Variants in IL4I1 observed in about 807,000 individuals in gnomAD.
IL4I1 encodes L-amino-acid oxidase.
IL4I1 carries 24 observed loss-of-function variants against 29.7 expected under a neutral mutation model. The ratio of observed to expected loss-of-function variants is 0.81; its 90% CI spans 0.59 to 1.14. The LOEUF (loss-of-function observed/expected upper bound fraction) is 1.14, where lower values mean the gene tolerates loss of function less well. Ranked by LOEUF, IL4I1 falls within the 50% of genes most tolerant of loss-of-function variation. IL4I1 has a pLI of 0.00. For missense variants in IL4I1, 686 were observed against 785.6 expected, an observed-to-expected ratio of 0.87 and a Z score of 1.52; for synonymous variants, 371 against 352.5, an observed-to-expected ratio of 1.05 and a Z score of -0.59.
Position 49,895,992 on chromosome 19 carries a change from C to T in IL4I1, c.75G>A (p.Lys25=), listed in dbSNP as rs2075203044. 1.2e-6 allele frequency: 2 copies of T among 1,614,080 alleles called. No homozygotes were observed. Among genetic ancestry groups the T allele is most frequent in the African/African-American group, 1.3e-5 (1 of 74,934 alleles). Reference sequence around the variant, plus strand: ...CGAAGGGGTCTTGGCTGCGTTCAGCCTTCCAGTCCTGGGAGGCCACCAGGC... The same window carrying T: ...CGAAGGGGTCTTGGCTGCGTTCAGCTTTCCAGTCCTGGGAGGCCACCAGGC... ...LLSLVASQDW[K]AERSQDPFEK... The change falls in exon 3 of 8, where the codon AAG becomes AAA. Residue 25 remains lysine, a synonymous_variant. Transcript: ENST00000391826.
At chr19:49,906,816 CA>C (rs1171702706) in intron 2 of IL4I1, 8 of 152,244 alleles carry the variant, frequency 5.3e-5, no homozygotes, top group African/African-American at 1.9e-4. Flanking sequence ...TCCATATTAA[CA>C]GCAGCTGTTT....
chr19:49,891,054 T>C lies in IL4I1; in HGVS notation c.690A>G (p.Gly230=). The C allele has an allele frequency of 6.2e-7, 1 of 1,612,940 alleles. No individual in the cohort carries two copies. Among genetic ancestry groups the C allele is most frequent in the Non-Finnish European group, 8.5e-7 (1 of 1,179,814 alleles). ...AGAAGCCATCCTCGGACATCACGTC[T>C]CCCAGAAGCTGCACGGCCGGCCGGC... is the stretch of plus-strand genomic sequence containing the variant. ...NLSRPAVQLL[G]DVMSEDGFFY... is the part of the protein sequence containing the mutation. The change falls in exon 7 of 8, where the codon GGA becomes GGG. Residue 230 remains glycine (G), a synonymous_variant. Transcript: ENST00000391826.
At chr19:49,919,541 A>C (rs959869224) in intron 2 of IL4I1, among the ~76,000 whole-genome samples, 2 of 152,206 alleles carry the variant, frequency 1.3e-5, no homozygotes, top group Admixed American at 1.3e-4. Context: ...GGATGGCCTC[A>C]AGGCAGTAGC....
chr19:49,923,368 A>G (rs966156574), intron 2 of IL4I1, among the ~76,000 whole-genome samples: 1 of 152,166 alleles, frequency 6.6e-6, no homozygotes, highest in African/African-American at 2.4e-5. Context: ...CTCATTAGAA[A>G]ATGTATTGAT....
At chr19:49,897,823 A>T, upstream of IL4I1, among the ~76,000 whole-genome samples, 1 of 144,786 alleles carries the variant, frequency 6.9e-6, no homozygotes, top group African/African-American at 2.7e-5. Context: ...CTCTGCAGCA[A>T]GGGTTGGGTG....
chr19:49,892,934 T>C (rs532520923), intron 5 of IL4I1, among the ~76,000 whole-genome samples: 5 of 152,002 alleles, frequency 3.3e-5, no homozygotes, highest in South Asian at 2.1e-4. Context: ...GGAGGGGACA[T>C]TGGAGCTAGT....
At chr19:49,890,703 G>T in intron 7 of IL4I1, 103 bp from the exon 8 acceptor site, 1 of 1,064,006 alleles carries the variant, frequency 9.4e-7, no homozygotes, top group Non-Finnish European at 1.3e-6. Context: ...ATGGGCACCG[G>T]CCCGCTCCCC....
intron 3 of IL4I1, 99 bp downstream of exon 3, chr19:49,895,713 ACCT>A: frequency 1.3e-5 from 6 of 473,388 alleles, no homozygotes; most frequent in Admixed American, 2.4e-5. Flanking sequence ...CCACATCCCC[ACCT>A]CCACCCCCTC....
chr19:49,902,626 A>C (rs1203921739), intron 3 of IL4I1, among the ~76,000 whole-genome samples: 2 of 152,072 alleles, frequency 1.3e-5, no homozygotes, highest in East Asian at 3.9e-4. Flanking sequence ...TCAGGAGCTC[A>C]AGACCAGCCT....
In IL4I1 at chr19:49,903,339, G is replaced by T. The variant is rs368551312; in HGVS notation, c.-105+860C>A. Among the ~76,000 whole-genome samples, 773 of 152,260 alleles carry T rather than the reference G, an allele frequency of 5.1e-3. 3 individuals carry two copies. Among genetic ancestry groups the T allele is most frequent in the African/African-American group, 0.018 (729 of 41,532 alleles). On this transcript the variant is annotated intron_variant, in intron 3 of 9. Transcript: ENST00000341114. The stretch of plus-strand genomic sequence containing the variant: ...TCGGGAAACCTTTGGCGTCTGAGAG[G>T]GTTCAACCTGATGGTGTCTGGAGGG...
chr19:49,901,185 C>A (rs555314146), upstream of IL4I1, among the ~76,000 whole-genome samples: 1 of 152,256 alleles, frequency 6.6e-6, no homozygotes, highest in Admixed American at 6.5e-5. Context: ...AGTTCGAGAC[C>A]AGCCTGGCCA....
Position 49,891,075 on chromosome 19 carries a change from C to CTGCA in IL4I1, c.668_669insTGCA (p.Pro224AlafsTer148). On this transcript the variant is annotated frameshift_variant, in exon 7 of 8. Coordinates refer to ENST00000391826, the MANE Select transcript of IL4I1 (RefSeq NM_152899.2). LOFTEE classifies it high-confidence loss of function. Reference sequence around the variant, plus strand: ...CGTCTCCCAGAAGCTGCACGGCCGGCCGGCTCAGGTTCCCCTCCCCGAGAA... The same window carrying CTGCA: ...CGTCTCCCAGAAGCTGCACGGCCGGCTGCACGGCTCAGGTTCCCCTCCCCGAGAA... 1 of 1,613,546 alleles carries CTGCA rather than the reference C, an allele frequency of 6.2e-7. No homozygotes were observed. The highest frequency in any genetic ancestry group is 1.1e-5 in the South Asian group (1 of 91,078).
intron 2 of IL4I1, chr19:49,909,720 T>G (rs1315477403): frequency 6.2e-7 from 1 of 1,614,110 alleles, no homozygotes; most frequent in Non-Finnish European, 8.5e-7. Context: ...GAAAACCCTG[T>G]AGCAGGTGTG....
At position 49,890,178 on chromosome 19, in the gene IL4I1, G is replaced by A. The variant is rs1296397211; in HGVS notation, c.1196C>T (p.Thr399Met). ...REGALLLASYTWSDAAAAFAG... is the reference protein window; with the variant it reads ...REGALLLASYMWSDAAAAFAG... ...GAACGCTGCCGCCGCGTCCGACCAC[G>A]TGTACGAGGCCAGCAGCAGCGCGCC... The change falls in exon 8 of 8, where the codon ACG becomes ATG. Residue 399 changes from threonine to methionine, a missense_variant. Physicochemically the swap from Thr to Met is moderately conservative, Grantham distance 81 (BLOSUM62 -1). Coordinates refer to ENST00000391826, the MANE Select transcript of IL4I1 (RefSeq NM_152899.2). 3.9e-6 allele frequency: 6 copies of A among 1,543,340 alleles called. No individual in the cohort carries two copies. The highest frequency in any genetic ancestry group is 4.4e-6 in the Non-Finnish European group (5 of 1,143,006).
intron 2 of IL4I1, among the ~76,000 whole-genome samples, chr19:49,910,883 G>A (rs1358572339): frequency 6.6e-6 from 1 of 152,170 alleles, no homozygotes; most frequent in Non-Finnish European, 1.5e-5. Context: ...AGGAAAGGGT[G>A]AGAGGGAGTG....
chr19:49,904,487 T>A (rs1256692994), intron 2 of IL4I1, among the ~76,000 whole-genome samples: 1 of 152,168 alleles, frequency 6.6e-6, no homozygotes, highest in Admixed American at 6.5e-5. Context: ...TTTAATGGAA[T>A]CACTTGTGTT....
rs2075108327 is a variant in IL4I1 at position 49,890,008 on chromosome 19, C to T, written c.1366G>A (p.Val456Ile). The T allele has an allele frequency of 1.3e-6, 2 of 1,554,314 alleles. No individual in the cohort carries two copies. The highest frequency in any genetic ancestry group is 1.7e-6 in the Non-Finnish European group (2 of 1,149,052). Residue 456 changes from valine (V) to isoleucine (I), a missense_variant, in exon 8 of 8, where the codon GTA becomes ATA. Transcript: ENST00000391826. Reference protein sequence around the residue: ...EDQHSQGGFVVQPPALWQTEK... With the variant: ...EDQHSQGGFVIQPPALWQTEK... ...GTTTGCCAGAGCGCCGGCGGCTGTA[C>T]CACAAAGCCACCCTGGCTGTGCTGG...
Position 49,895,158 on chromosome 19 carries a change from T to C in IL4I1, c.275A>G (p.Asn92Ser), listed in dbSNP as rs1600471815. The change falls in exon 4 of 8, where the codon AAC (asparagine) becomes AGC (serine). Residue 92 changes from asparagine to serine, a missense_variant. By Grantham distance (46) the Asn-to-Ser change is conservative. Transcript: ENST00000391826. Reference sequence around the variant, plus strand: ...GGTGAAGATGCGGCCCCCGATCCTGTTATCTGCCTCCAGGATGGTGACCTG... The same window carrying C: ...GGTGAAGATGCGGCCCCCGATCCTGCTATCTGCCTCCAGGATGGTGACCTG... ...GHKVTILEAD[N>S]RIGGRIFTYR... is the part of the protein sequence containing the mutation. The C allele has an allele frequency of 6.2e-7, 1 of 1,613,800 alleles. No individual in the cohort carries two copies. The highest frequency in any genetic ancestry group is 2.2e-5 in the East Asian group (1 of 44,878).
At chr19:49,896,955 C>G (rs1600475276), upstream of IL4I1, 1 of 903,638 alleles carries the variant, frequency 1.1e-6, no homozygotes, top group South Asian at 5.1e-5. Flanking sequence ...TTTTGGGAAA[C>G]TGGCCGAGGG....
Sources: allele counts gnomAD v4.1 joint callset (sites outside exome capture counted in the v4.1 genomes callset), GRCh38; gene constraint gnomAD v4.1.1; transcripts MANE v1.5; gene names NCBI Gene and HGNC (gene_info 2026-07-23, HGNC 2026-07-21).